The following RHPN2 variants were observed in gnomAD, a reference collection of about 807,000 sequenced individuals.
RHPN2 encodes the protein rhophilin Rho GTPase binding protein 2.
In RHPN2, 40 loss-of-function variants were observed where a neutral mutation model predicts 79.0. The observed-to-expected ratio is 0.51, with a 90% CI of 0.39 to 0.66. The LOEUF (loss-of-function observed/expected upper bound fraction) is 0.66. RHPN2 is among the 30% of genes least tolerant of loss of function. The pLI is 0.00. For synonymous variants in RHPN2, 285 were observed against 363.5 expected (o/e 0.78, Z 2.46); for missense variants, 686 against 883.5 (o/e 0.78, Z 2.83).
chr19:33,012,528 C>T (rs1002945182), intron 5 of RHPN2, 119 bp downstream of exon 5: 57 of 777,682 alleles, frequency 7.3e-5, no homozygotes, highest in Non-Finnish European at 1.3e-4. Flanking sequence ...ATTCCAGCAC[C>T]CCCCAACCAT....
At chr19:33,058,381 C>A (rs1410425850) in intron 1 of RHPN2, among the ~76,000 whole-genome samples, 2 of 152,154 alleles carry the variant, frequency 1.3e-5, no homozygotes, top group African/African-American at 2.4e-5. Context: ...ATGAATGGAG[C>A]ATAATGTCAT....
rs149429477 is a variant in RHPN2 at position 33,057,876 on chromosome 19, T to C, written c.69+6908A>G. On this transcript the variant is annotated intron_variant, in intron 1 of 14. Coordinates refer to ENST00000254260, the MANE Select transcript of RHPN2 (RefSeq NM_033103.5). ...AAAGACCAATTAACAAGGGGACTCC[T>C]GGGCTCGGCGCAGTGGCTCACACCT... 3.2e-3 allele frequency among the ~76,000 whole-genome samples: 490 copies of C among 150,980 alleles called. 4 individuals are homozygous for C. The highest frequency in any genetic ancestry group is 0.011 in the African/African-American group (462 of 41,178).
intron 1 of RHPN2, among the ~76,000 whole-genome samples, chr19:33,054,347 C>T (rs886434363): frequency 6.6e-6 from 1 of 151,764 alleles, no homozygotes; most frequent in Non-Finnish European, 1.5e-5. Flanking sequence ...ATTACAGGCA[C>T]GCAGCACCAC....
intron 6 of RHPN2, among the ~76,000 whole-genome samples, chr19:33,009,839 C>T (rs1210652602): frequency 2.6e-5 from 4 of 151,824 alleles, no homozygotes; most frequent in South Asian, 2.1e-4. Context: ...ACTGCAGTGG[C>T]GCCATCTCAG....
At position 33,002,263 on chromosome 19, in the gene RHPN2, G is replaced by A. The variant is rs1311280558; in HGVS notation, c.1089C>T (p.Leu363=). The A allele has an allele frequency of 7.4e-6, 12 of 1,613,190 alleles. No individual in the cohort carries two copies. The South Asian group carries it at 8.8e-5, about 12-fold the overall frequency. Residue 363 remains leucine, a synonymous_variant, in exon 9 of 15, where the codon CTC becomes CTT. Transcript: ENST00000254260. ...AGGCCTTACCCTGGTGGTCGATGAG[G>A]AGGATGGCAGTGAAGTAGTGGGCCA... ...AALAHYFTAI[L]LIDHQVKPGT...
At chr19:32,997,125 C>T (rs762337453) in intron 10 of RHPN2, among the ~76,000 whole-genome samples, 1 of 152,154 alleles carries the variant, frequency 6.6e-6, no homozygotes, top group Non-Finnish European at 1.5e-5. Flanking sequence ...TCTCAAACTC[C>T]TGGCCTCAAG....
At chr19:33,032,476 C>A (rs530139235) in intron 2 of RHPN2, among the ~76,000 whole-genome samples, 1 of 152,182 alleles carries the variant, frequency 6.6e-6, no homozygotes, top group East Asian at 1.9e-4. Context: ...TTCTGGGGAT[C>A]AGCATCCATT....
chr19:33,053,107 G>A (rs1972202772), intron 1 of RHPN2, among the ~76,000 whole-genome samples: 1 of 151,920 alleles, frequency 6.6e-6, no homozygotes, highest in African/African-American at 2.4e-5. Flanking sequence ...GAGTAGCTGG[G>A]ATTACAGGAA....
intron 14 of RHPN2, among the ~76,000 whole-genome samples, chr19:32,983,150 TACAC>T (rs1167812812): frequency 4.4e-4 from 47 of 106,202 alleles, no homozygotes; most frequent in Non-Finnish European, 7.8e-4. Context: ...CCCAGATCTC[TACAC>T]ACACACAAAC....
In RHPN2 at chr19:32,996,080, G is replaced by A. The variant is rs751277431; in HGVS notation, c.1366C>T (p.Gln456Ter). The change falls in exon 11 of 15, where the codon CAG becomes TAG. Residue 456 changes from glutamine to a stop codon, truncating the protein, a stop_gained. Transcript: ENST00000254260. LOFTEE classifies it high-confidence loss of function. ...AGCAGGTCATCCTCCTCCTGGTGCT[G>A]GGCGTACGTGAGCCGGGAGCGTTCC... ...AQERSRLTYA[Q>*]HQEEDDLLNL... The A allele has an allele frequency of 6.2e-7, 1 of 1,614,004 alleles. No homozygotes were observed. Among genetic ancestry groups the A allele is most frequent in the Admixed American group, 1.7e-5 (1 of 60,012 alleles).
Position 32,994,134 on chromosome 19 carries a change from G to A in RHPN2, c.1421-81C>T, listed in dbSNP as rs563888825. 6.5e-5 allele frequency: 67 copies of A among 1,037,760 alleles called. 1 individual carries two copies. In the Admixed American group the frequency reaches 8.6e-4, roughly 13 times the overall value. 64.3% of individuals were successfully genotyped at this position (1,037,760 alleles called of 1,614,324 possible). ...CTAATAGTCCAGTGTTGTGGCTCAC[G>A]CCTGTAATCCCAGCACTTTGGGAGG... On this transcript the variant is annotated intron_variant, in intron 11 of 14. Coordinates refer to ENST00000254260, the MANE Select transcript of RHPN2 (RefSeq NM_033103.5).
At chr19:32,989,085 G>A (rs1160672151) in intron 14 of RHPN2, among the ~76,000 whole-genome samples, 4 of 152,146 alleles carry the variant, frequency 2.6e-5, no homozygotes, top group Non-Finnish European at 5.9e-5. Context: ...CATTAAGTAT[G>A]GCATGAATCC....
chr19:33,036,760 C>CAGTGAGG (rs1972059977), intron 2 of RHPN2, among the ~76,000 whole-genome samples: 1 of 152,176 alleles, frequency 6.6e-6, no homozygotes, highest in Admixed American at 6.5e-5. Flanking sequence ...TGGCCCCGGG[C>CAGTGAGG]AGTGAGGGGC....
chr19:33,013,345 C>T (rs540909381), intron 4 of RHPN2, among the ~76,000 whole-genome samples: 2 of 152,142 alleles, frequency 1.3e-5, no homozygotes, highest in Admixed American at 1.3e-4. Flanking sequence ...CAGGCATGTG[C>T]CACCATGCGC....
chr19:33,023,282 A>G (rs1038820598), intron 3 of RHPN2, among the ~76,000 whole-genome samples: 9 of 151,966 alleles, frequency 5.9e-5, no homozygotes, highest in African/African-American at 2.2e-4. Context: ...TAAAAATACA[A>G]AAACTACCTG....
At chr19:33,060,002 A>G (rs1185582180) in intron 1 of RHPN2, among the ~76,000 whole-genome samples, 1 of 152,196 alleles carries the variant, frequency 6.6e-6, no homozygotes, top group African/African-American at 2.4e-5. Context: ...GGGCGCCTGC[A>G]TGGCTGCTGG....
chr19:32,980,199 A>C lies in RHPN2; in HGVS notation c.1858T>G (p.Leu620Val), dbSNP rs1472123173. 1 of 1,613,762 alleles carries C rather than the reference A, an allele frequency of 6.2e-7. No homozygotes were observed. The highest frequency in any genetic ancestry group is 1.3e-5 in the African/African-American group (1 of 74,902). Residue 620 changes from leucine (L) to valine (V), a missense_variant, in exon 15 of 15, where the codon TTA becomes GTA. Physicochemically the swap from Leu to Val is conservative, Grantham distance 32. Coordinates refer to ENST00000254260, the MANE Select transcript of RHPN2 (RefSeq NM_033103.5). ...GTTTTGTCGTCATCATCAATGGCTA[A>C]GCAGATCATGGAGTACGTTTTCTGC... is the stretch of plus-strand genomic sequence containing the variant. ...GMQKTYSMIC[L>V]AIDDDDKTDK...
intron 14 of RHPN2, among the ~76,000 whole-genome samples, chr19:32,981,492 GAAGAGGGCAAGGGAAGGGA>G: frequency 7.2e-6 from 1 of 138,432 alleles, no homozygotes; most frequent in East Asian, 2.3e-4. Flanking sequence ...GAAGGGAATG[GAAGAGGGCAAGGGAAGGGA>G]AAAAAAAAAA....
At chr19:33,032,016 C>CT (rs34807523) in intron 2 of RHPN2, among the ~76,000 whole-genome samples, 26,590 of 90,618 alleles carry the variant, frequency 0.29, 5,480 homozygotes, top group African/African-American at 0.49. Flanking sequence ...CCGGGCCGGT[C>CT]TTTTTTTTTT....
Sources: gnomAD v4.1 joint callset for allele counts (sites outside exome capture counted in the v4.1 genomes callset) on GRCh38, gnomAD v4.1.1 for gene constraint, MANE v1.5 for transcripts, NCBI Gene and HGNC (gene_info 2026-07-23, HGNC 2026-07-21) for gene names.